PRKN: variants seen among roughly 807,000 people sequenced by gnomAD.
PRKN encodes the protein E3 ubiquitin-protein ligase parkin.
In PRKN, 56 loss-of-function variants were observed where a neutral mutation model predicts 59.5. The ratio of observed to expected loss-of-function variants is 0.94; its 90% CI spans 0.76 to 1.18. The LOEUF is 1.18. PRKN is among the 50% of genes most tolerant of loss of function. PRKN has a pLI of 0.00. For synonymous variants in PRKN, 250 were observed against 222.1 expected (o/e 1.13, Z -1.12); for missense variants, 657 against 596.4 (o/e 1.10, Z -1.06).
intron 9 of PRKN, among the ~76,000 whole-genome samples, chr6:161,387,548 C>T (rs571426554): frequency 2.0e-5 from 3 of 152,312 alleles, no homozygotes; most frequent in Admixed American, 2.0e-4. Flanking sequence ...CAAATAAATA[C>T]CCACAGCAAA....
intron 1 of PRKN, among the ~76,000 whole-genome samples, chr6:162,506,255 A>G (rs1253986402): frequency 2.5e-5 from 1 of 40,030 alleles, no homozygotes; most frequent in Non-Finnish European, 6.0e-5. Flanking sequence ...AGGAAGCAAA[A>G]AAAAAAAAAA....
At chr6:162,062,449 ATTTATG>A (rs1466858622) in intron 4 of PRKN, among the ~76,000 whole-genome samples, 1 of 152,148 alleles carries the variant, frequency 6.6e-6, no homozygotes, top group Non-Finnish European at 1.5e-5. Context: ...TCCCCTCAAA[ATTTATG>A]TTTAAGTACT....
intron 2 of PRKN, among the ~76,000 whole-genome samples, chr6:162,319,303 G>A (rs1782884505): frequency 6.6e-6 from 1 of 151,978 alleles, no homozygotes; most frequent in African/African-American, 2.4e-5. Flanking sequence ...AGGAGCCCAA[G>A]CATCTGTAAT....
At chr6:162,549,281 T>A (rs1779240832) in intron 1 of PRKN, among the ~76,000 whole-genome samples, 2 of 152,096 alleles carry the variant, frequency 1.3e-5, no homozygotes, top group Admixed American at 6.6e-5. Flanking sequence ...GTGTGAGAAA[T>A]ACAGTTCTGC....
chr6:162,025,014 A>ATTTT (rs753238837), intron 5 of PRKN, among the ~76,000 whole-genome samples: 2 of 130,980 alleles, frequency 1.5e-5, no homozygotes, highest in African/African-American at 2.9e-5. Context: ...TCCAGATTGT[A>ATTTT]TTTTTTTTTT....
intron 6 of PRKN, among the ~76,000 whole-genome samples, chr6:161,843,272 C>T (rs1486421568): frequency 9.2e-5 from 14 of 152,164 alleles, no homozygotes; most frequent in African/African-American, 3.1e-4. Flanking sequence ...AGATACCTGA[C>T]CTCAAAACCA....
intron 6 of PRKN, 150 bp downstream of exon 6, chr6:161,973,152 T>G: frequency 1.5e-6 from 1 of 671,900 alleles, no homozygotes; most frequent in Admixed American, 2.2e-5. Context: ...CGCATCAAAA[T>G]AAAGCAGACA....
intron 6 of PRKN, among the ~76,000 whole-genome samples, chr6:161,807,144 G>T (rs1195576361): frequency 6.6e-6 from 1 of 152,152 alleles, no homozygotes; most frequent in Non-Finnish European, 1.5e-5. Context: ...TTACATTGAG[G>T]ATATGAGAAC....
chr6:162,468,052 C>T (rs911700340), intron 1 of PRKN, among the ~76,000 whole-genome samples: 1 of 152,178 alleles, frequency 6.6e-6, no homozygotes, highest in Non-Finnish European at 1.5e-5. Flanking sequence ...TTGTTTACTG[C>T]TACCGTGGTT....
At chr6:161,957,436 G>GTTTTTTT (rs10682757) in intron 6 of PRKN, among the ~76,000 whole-genome samples, 2 of 116,716 alleles carry the variant, frequency 1.7e-5, no homozygotes, top group African/African-American at 6.0e-5. Flanking sequence ...TTGTTTGTTT[G>GTTTTTTT]TTTTTTTGAG....
intron 2 of PRKN, among the ~76,000 whole-genome samples, chr6:162,377,534 C>T (rs1786182358): frequency 6.6e-6 from 1 of 152,184 alleles, no homozygotes; most frequent in Non-Finnish European, 1.5e-5. Flanking sequence ...TTCAAACTGT[C>T]CAAAAGAGGG....
chr6:162,011,081 A>G (rs185712602), intron 5 of PRKN, among the ~76,000 whole-genome samples: 116 of 10,850 alleles, frequency 0.011, 36 homozygotes, highest in African/African-American at 0.051. Context: ...TATTTATAAT[A>G]TATATTATAA....
intron 7 of PRKN, among the ~76,000 whole-genome samples, chr6:161,585,483 A>C (rs1781489688): frequency 6.6e-6 from 1 of 152,218 alleles, no homozygotes; most frequent in South Asian, 2.1e-4. Flanking sequence ...AGAGAAATTA[A>C]AACCCAAGAC....
intron 4 of PRKN, among the ~76,000 whole-genome samples, chr6:162,055,996 T>G (rs1562486824): frequency 2.6e-5 from 1 of 37,978 alleles, no homozygotes; most frequent in African/African-American, 4.6e-5. Context: ...CACTCAGGCA[T>G]GCACGCACAC....
chr6:162,332,828 A>G (rs942105707), intron 2 of PRKN, among the ~76,000 whole-genome samples: 1 of 152,000 alleles, frequency 6.6e-6, no homozygotes, highest in African/African-American at 2.4e-5. Context: ...ATCCAATAGC[A>G]CCACCACCAA....
intron 3 of PRKN, among the ~76,000 whole-genome samples, chr6:162,227,187 T>C (rs903880492): frequency 2.1e-4 from 32 of 152,220 alleles, no homozygotes; most frequent in African/African-American, 6.8e-4. Context: ...ATGATTTCTC[T>C]GTAATAAAGT....
Position 161,866,529 on chromosome 6 carries a change from C to T in PRKN, c.735-80621G>A, listed in dbSNP as rs563499368. 5.9e-5 allele frequency among the ~76,000 whole-genome samples: 9 copies of T among 152,010 alleles called. No individual in the cohort carries two copies. In the South Asian group the frequency reaches 1.5e-3, roughly 25 times the overall value. On this transcript the variant is annotated intron_variant, in intron 6 of 11. Coordinates refer to ENST00000366898, the MANE Select transcript of PRKN (RefSeq NM_004562.3). ...GGCGGAGCTTGCAGTGAGCTGAGAT[C>T]GCACCACTGCACTCTAGCCTGGGCG...
At chr6:161,874,573 A>G (rs1455504565) in intron 6 of PRKN, among the ~76,000 whole-genome samples, 4 of 109,592 alleles carry the variant, frequency 3.6e-5, no homozygotes, top group African/African-American at 7.6e-5. Context: ...TAAAATATAT[A>G]TTATGTAAAA....
At chr6:162,391,000 C>T (rs567634644) in intron 2 of PRKN, among the ~76,000 whole-genome samples, 2 of 152,252 alleles carry the variant, frequency 1.3e-5, no homozygotes, top group African/African-American at 4.8e-5. Flanking sequence ...GCTGAATTTT[C>T]TTTAGTCCTA....
Sources: gnomAD v4.1 joint callset for allele counts (sites outside exome capture counted in the v4.1 genomes callset) on GRCh38, gnomAD v4.1.1 for gene constraint, MANE v1.5 for transcripts, NCBI Gene and HGNC (gene_info 2026-07-23, HGNC 2026-07-21) for gene names.